Variants in ASCC3 observed in about 807,000 individuals in gnomAD.
The protein encoded by ASCC3 is ASC-1 complex subunit P200.
ASCC3 carries 158 observed loss-of-function variants against 256.3 expected under a neutral mutation model. The observed-to-expected ratio is 0.62, with a 90% CI of 0.54 to 0.70. ASCC3 has a LOEUF of 0.70. ASCC3 is among the 30% of genes least tolerant of loss of function. The probability of loss-of-function intolerance (pLI) is 0.00; values close to 1 mark genes in which losing one functional copy is unlikely to be tolerated. For missense variants in ASCC3, 2,259 were observed against 2,626.0 expected (o/e 0.86, Z 3.05); for synonymous variants, 948 against 883.4 (o/e 1.07, Z -1.30).
At chr6:100,652,652 A>G (rs239235) in intron 18 of ASCC3, 73 bp downstream of exon 18, 765,064 of 1,415,240 alleles carry the variant, frequency 0.54, 209,507 homozygotes, top group East Asian at 0.74. Flanking sequence ...TCATTATTTT[A>G]CATTAATAAT....
Position 100,662,475 on chromosome 6 carries a change from T to C in ASCC3, c.2348A>G (p.His783Arg). The C allele has an allele frequency of 1.9e-6, 3 of 1,613,286 alleles. No homozygotes were observed. The highest frequency in any genetic ancestry group is 1.3e-5 in the African/African-American group (1 of 74,990). The part of the protein sequence containing the change: ...ELFPDGFSIH[H>R]AGMLRQDRNL... The stretch of plus-strand genomic sequence containing the variant: ...TCTGTCCTGCCGAAGCATTCCTGCA[T>C]GATGAATACTAAAACCATCTGGGAA... Residue 783 changes from histidine to arginine, a missense_variant, in exon 15 of 42, where the codon CAT (histidine) becomes CGT (arginine). By Grantham distance (29) the His-to-Arg change is conservative (BLOSUM62 0). Around this residue, in one of 2 missense-constraint regions of ASCC3, gnomAD observed 1,839 missense variants for 2,206.7 expected, o/e 0.83. Transcript: ENST00000369162.
At chr6:100,787,548 G>A (rs1277637793) in intron 8 of ASCC3, among the ~76,000 whole-genome samples, 5 of 151,908 alleles carry the variant, frequency 3.3e-5, no homozygotes, top group South Asian at 2.1e-4. Context: ...ATGGAAAATC[G>A]AAGACATAGA....
At chr6:100,849,394 T>C (rs1015662744) in intron 3 of ASCC3, among the ~76,000 whole-genome samples, 1 of 152,194 alleles carries the variant, frequency 6.6e-6, no homozygotes, top group Non-Finnish European at 1.5e-5. Context: ...ATCTGAATTA[T>C]AGACTTTTGG....
chr6:100,865,836 T>A (rs1773450099), intron 2 of ASCC3, among the ~76,000 whole-genome samples: 1 of 152,192 alleles, frequency 6.6e-6, no homozygotes, highest in African/African-American at 2.4e-5. Flanking sequence ...TTCAGGCCTA[T>A]AAAATTCACA....
intron 10 of ASCC3, among the ~76,000 whole-genome samples, chr6:100,764,091 A>T (rs1375444489): frequency 6.6e-6 from 1 of 152,236 alleles, no homozygotes; most frequent in African/African-American, 2.4e-5. Flanking sequence ...TTTAAATGTT[A>T]TCTCCCTTGT....
intron 8 of ASCC3, among the ~76,000 whole-genome samples, chr6:100,793,442 A>G (rs1769448663): frequency 6.6e-6 from 1 of 152,030 alleles, no homozygotes; most frequent in South Asian, 2.1e-4. Context: ...ATACTGTCAC[A>G]CATGCCACCA....
chr6:100,626,871 C>T lies in ASCC3; in HGVS notation c.4642+719G>A, dbSNP rs77544628. Among the ~76,000 whole-genome samples, 1,153 of 152,160 alleles carry T rather than the reference C, an allele frequency of 7.6e-3. 11 individuals carry two copies. The highest frequency in any genetic ancestry group is 0.025 in the African/African-American group (1,045 of 41,524). On this transcript the variant is annotated intron_variant, in intron 29 of 41. Coordinates refer to ENST00000369162, the MANE Select transcript of ASCC3 (RefSeq NM_006828.4). ...AGAACAGGTGTGGCTGAACAGCTCA[C>T]GGCAGATTTATTGTTCATTAGTGAT... is the stretch of plus-strand genomic sequence containing the variant.
intron 10 of ASCC3, among the ~76,000 whole-genome samples, chr6:100,744,523 A>T (rs376287297): frequency 6.6e-6 from 1 of 152,318 alleles, no homozygotes. Flanking sequence ...TTATGAAATG[A>T]CAAACTAATA....
intron 10 of ASCC3, among the ~76,000 whole-genome samples, chr6:100,758,720 T>C (rs1327499548): frequency 2.0e-5 from 3 of 152,210 alleles, no homozygotes; most frequent in Non-Finnish European, 4.4e-5. Context: ...GTCTTTATAG[T>C]AGAATGATTT....
intron 25 of ASCC3, among the ~76,000 whole-genome samples, chr6:100,633,288 C>T (rs1774649865): frequency 6.6e-6 from 1 of 152,034 alleles, no homozygotes; most frequent in South Asian, 2.1e-4. Context: ...GTAGCCACTC[C>T]CCAAACACTA....
At chr6:100,649,483 A>T (rs556226331) in intron 20 of ASCC3, among the ~76,000 whole-genome samples, 5 of 151,730 alleles carry the variant, frequency 3.3e-5, no homozygotes, top group East Asian at 3.9e-4. Flanking sequence ...CTACATCTAT[A>T]TTAACTTTAT....
In ASCC3 at chr6:100,608,086, A is replaced by ATCGATATACACATATATATG. The variant is rs1370702649; in HGVS notation, c.4786-999_4786-998insCATATATATGTGTATATCGA. On this transcript the variant is annotated intron_variant, in intron 30 of 41. Transcript: ENST00000369162. ...CATATATATACATATATATGTATAT[A>ATCGATATACACATATATATG]TATCTATATACACATATATATGTAT... 3.8e-5 allele frequency among the ~76,000 whole-genome samples: 5 copies of ATCGATATACACATATATATG among 131,050 alleles called. 1 individual carries two copies. The highest frequency in any genetic ancestry group is 7.9e-5 in the Non-Finnish European group (5 of 63,542). The allele number at this position is 131,050 out of a possible 152,430, so 86.0% of individuals were successfully genotyped here.
intron 1 of ASCC3, among the ~76,000 whole-genome samples, chr6:100,880,043 G>A (rs981556086): frequency 6.6e-6 from 1 of 152,106 alleles, no homozygotes; most frequent in African/African-American, 2.4e-5. Context: ...TTGACACATA[G>A]GAAGACTTGA....
At chr6:100,643,901 T>A in intron 23 of ASCC3, 130 bp downstream of exon 23, 1 of 648,400 alleles carries the variant, frequency 1.5e-6, no homozygotes, top group East Asian at 2.8e-5. Flanking sequence ...CTTTTAAAAC[T>A]AATAGGAAAC....
At chr6:100,822,238 TAACA>T (rs1225559263) in intron 4 of ASCC3, among the ~76,000 whole-genome samples, 5 of 152,092 alleles carry the variant, frequency 3.3e-5, no homozygotes, top group Admixed American at 6.6e-5. Context: ...ATAGAAAATG[TAACA>T]AACAAACAAA....
chr6:100,521,965 G>A (rs1277283823), intron 37 of ASCC3, among the ~76,000 whole-genome samples: 3 of 152,198 alleles, frequency 2.0e-5, no homozygotes, highest in Admixed American at 1.3e-4. Flanking sequence ...CAACTGGAGA[G>A]CATGCCTGAG....
intron 4 of ASCC3, among the ~76,000 whole-genome samples, chr6:100,828,974 G>T (rs1375115368): frequency 6.6e-6 from 1 of 152,042 alleles, no homozygotes; most frequent in Admixed American, 6.6e-5. Flanking sequence ...TGATTGGTGC[G>T]TTTACAATCC....
intron 8 of ASCC3, among the ~76,000 whole-genome samples, chr6:100,791,242 T>G (rs1419328938): frequency 6.6e-6 from 1 of 151,922 alleles, no homozygotes. Context: ...CCCCAATTAC[T>G]TTCAAGAATA....
chr6:100,574,950 G>T (rs1177746818), intron 36 of ASCC3, among the ~76,000 whole-genome samples: 1 of 152,014 alleles, frequency 6.6e-6, no homozygotes, highest in Non-Finnish European at 1.5e-5. Flanking sequence ...GAAGTAGAAA[G>T]ATACCTTTTT....
Sources: allele counts gnomAD v4.1 joint callset (sites outside exome capture counted in the v4.1 genomes callset), GRCh38; gene constraint gnomAD v4.1.1; regional missense constraint gnomAD v4.1.1; transcripts MANE v1.5; gene names NCBI Gene and HGNC (gene_info 2026-07-23, HGNC 2026-07-21).